KIAA0753: variants seen among roughly 807,000 people sequenced by gnomAD.
KIAA0753 encodes the protein protein moonraker.
In KIAA0753, 114 loss-of-function variants were observed where a neutral mutation model predicts 116.9. The observed-to-expected ratio is 0.98, with a 90% CI of 0.84 to 1.14. KIAA0753 has a LOEUF of 1.14. KIAA0753 is among the 50% of genes most tolerant of loss of function. The pLI is 0.00. For missense variants in KIAA0753, 1,156 were observed against 1,172.4 expected (o/e 0.99, Z 0.20); for synonymous variants, 405 against 413.1 (o/e 0.98, Z 0.24).
At chr17:6,610,469 A>T (rs1970460119) in intron 8 of KIAA0753, among the ~76,000 whole-genome samples, 1 of 149,568 alleles carries the variant, frequency 6.7e-6, no homozygotes, top group African/African-American at 2.5e-5. Flanking sequence ...AACAAAAAAA[A>T]TTTCATACCA....
chr17:6,606,701 A>C (rs1970215118), intron 12 of KIAA0753, among the ~76,000 whole-genome samples, 172 bp downstream of exon 12: 8 of 152,168 alleles, frequency 5.3e-5, no homozygotes, highest in Admixed American at 5.2e-4. Context: ...CTCCACACAA[A>C]AGAAGCATTT....
intron 18 of KIAA0753, 44 bp downstream of exon 18, chr17:6,589,735 T>C: frequency 1.4e-6 from 2 of 1,478,182 alleles, no homozygotes; most frequent in Non-Finnish European, 1.9e-6. Context: ...GTCTAAAATT[T>C]TGCAATTTGG....
chr17:6,625,687 AAG>A (rs1413435326), intron 3 of KIAA0753, among the ~76,000 whole-genome samples: 1 of 152,156 alleles, frequency 6.6e-6, no homozygotes, highest in African/African-American at 2.4e-5. Flanking sequence ...AATTAAAAAA[AAG>A]AGAGAGAGAC....
chr17:6,628,077 C>T, intron 3 of KIAA0753, 40 bp downstream of exon 3: 1 of 1,564,066 alleles, frequency 6.4e-7, no homozygotes, highest in Non-Finnish European at 8.6e-7. Flanking sequence ...ACCCCATAAT[C>T]ACAGCCTTAG....
intron 12 of KIAA0753, 130 bp downstream of exon 12, chr17:6,606,743 T>A: frequency 1.5e-6 from 1 of 673,058 alleles, no homozygotes; most frequent in African/African-American, 1.8e-5. Flanking sequence ...AATATACAGG[T>A]AGACATGCAG....
intron 2 of KIAA0753, among the ~76,000 whole-genome samples, chr17:6,629,582 T>C (rs1483374887): frequency 6.6e-6 from 1 of 152,210 alleles, no homozygotes; most frequent in Non-Finnish European, 1.5e-5. Flanking sequence ...AACGATTTTA[T>C]GGCTTTAAAT....
chr17:6,619,560 G>C (rs1307315803), intron 7 of KIAA0753, among the ~76,000 whole-genome samples: 2 of 151,970 alleles, frequency 1.3e-5, no homozygotes, highest in African/African-American at 4.8e-5. Context: ...CCAAGTAGCT[G>C]GGATCACAGG....
intron 16 of KIAA0753, among the ~76,000 whole-genome samples, 198 bp from the exon 17 acceptor site, chr17:6,590,828 G>C (rs1159554409): frequency 6.6e-6 from 1 of 152,084 alleles, no homozygotes; most frequent in Admixed American, 6.6e-5. Flanking sequence ...AACCAATGAG[G>C]AATACGTTTT....
chr17:6,608,437 G>T lies in KIAA0753; in HGVS notation c.1740C>A (p.Ser580Arg). The stretch of plus-strand genomic sequence containing the variant: ...GAGGCTCTTTTGTGGCATCTCTGGG[G>T]CTAGTTTTCACCTTTAGCCATGCAG... ...KCAAWLKVKT[S>R]PRDATKEPLQ... Residue 580 changes from serine to arginine, a missense_variant, in exon 10 of 19, where the codon AGC (serine) becomes AGA (arginine). Coordinates refer to ENST00000361413, the MANE Select transcript of KIAA0753 (RefSeq NM_014804.3). 6.4e-7 allele frequency: 1 copy of T among 1,557,978 alleles called. No homozygotes were observed. The highest frequency in any genetic ancestry group is 1.2e-5 in the South Asian group (1 of 84,278).
At chr17:6,607,389 T>G in intron 10 of KIAA0753, 119 bp from the exon 11 acceptor site, 1 of 744,494 alleles carries the variant, frequency 1.3e-6, no homozygotes, top group South Asian at 1.5e-5. Flanking sequence ...CAGGCTCTAT[T>G]AAGCTACTCA....
chr17:6,592,380 C>G (rs184418031), intron 16 of KIAA0753, among the ~76,000 whole-genome samples: 94 of 152,296 alleles, frequency 6.2e-4, no homozygotes, highest in South Asian at 1.7e-3. Context: ...GTAGTACTCA[C>G]GGCGCTTACA....
At chr17:6,607,720 T>G (rs1404278296) in intron 10 of KIAA0753, among the ~76,000 whole-genome samples, 1 of 152,254 alleles carries the variant, frequency 6.6e-6, no homozygotes, top group Non-Finnish European at 1.5e-5. Flanking sequence ...ATTGTCAAAT[T>G]ATTTAATGGA....
chr17:6,585,045 C>T (rs548450935), intron 18 of KIAA0753, among the ~76,000 whole-genome samples: 1 of 152,264 alleles, frequency 6.6e-6, no homozygotes, highest in East Asian at 1.9e-4. Flanking sequence ...CCTCCTGCCT[C>T]AGCCTCTCAA....
chr17:6,581,784 G>A (rs1968197798), intron 18 of KIAA0753, among the ~76,000 whole-genome samples: 1 of 152,068 alleles, frequency 6.6e-6, no homozygotes. Context: ...TCCTGGATTT[G>A]GCCCGTAGGT....
At chr17:6,602,417 T>C (rs138634414) in intron 12 of KIAA0753, among the ~76,000 whole-genome samples, 2 of 152,332 alleles carry the variant, frequency 1.3e-5, no homozygotes, top group Non-Finnish European at 2.9e-5. Context: ...ATTCCCACAG[T>C]GGAATACTAC....
chr17:6,630,541 T>C (rs1158548828), intron 2 of KIAA0753, among the ~76,000 whole-genome samples: 1 of 152,132 alleles, frequency 6.6e-6, no homozygotes, highest in Non-Finnish European at 1.5e-5. Flanking sequence ...GAAGGACAAG[T>C]ATCACATTTA....
chr17:6,588,495 G>A (rs1968747070), intron 18 of KIAA0753, among the ~76,000 whole-genome samples: 1 of 152,108 alleles, frequency 6.6e-6, no homozygotes, highest in African/African-American at 2.4e-5. Context: ...GGGGTCTCAG[G>A]AGAAAAAGTA....
Position 6,628,268 on chromosome 17 carries a change from A to T in KIAA0753, c.567T>A (p.Asn189Lys). 6.2e-7 allele frequency: 1 copy of T among 1,614,150 alleles called. No individual in the cohort carries two copies. Among genetic ancestry groups the T allele is most frequent in the Non-Finnish European group, 8.5e-7 (1 of 1,180,024 alleles). The change falls in exon 3 of 19, where the codon AAT becomes AAA. Residue 189 changes from asparagine to lysine, a missense_variant. Transcript: ENST00000361413. ...GTCCCGGATCATGGGTGGGTGGCGA[A>T]TTTGGCACAGTAAGATCTGACTGGC... The part of the protein sequence containing the change: ...HPGQSDLTVP[N>K]SPPTHDPGLQ...
intron 2 of KIAA0753, among the ~76,000 whole-genome samples, chr17:6,633,038 T>C (rs754202791): frequency 7.9e-5 from 12 of 152,176 alleles, no homozygotes; most frequent in Non-Finnish European, 1.8e-4. Flanking sequence ...GGTATCGATT[T>C]AATGTTAATT....
Sources: gnomAD v4.1 joint callset for allele counts (sites outside exome capture counted in the v4.1 genomes callset) on GRCh38, gnomAD v4.1.1 for gene constraint, MANE v1.5 for transcripts, NCBI Gene and HGNC (gene_info 2026-07-23, HGNC 2026-07-21) for gene names.